Variants in CNTN4 observed in about 807,000 individuals in gnomAD.
The protein encoded by CNTN4 is contactin 4, also known as contactin-4.
In CNTN4, 77 loss-of-function variants were observed where a neutral mutation model predicts 122.5. That is an observed-to-expected ratio of 0.63 (90% CI 0.52 to 0.76). The LOEUF (loss-of-function observed/expected upper bound fraction) is 0.76. Among genes scored for constraint, CNTN4 ranks in the 30% least tolerant of loss-of-function variants. The probability of loss-of-function intolerance (pLI) is 0.00; values close to 1 mark genes in which losing one functional copy is unlikely to be tolerated. For synonymous variants in CNTN4, 512 were observed against 447.0 expected (o/e 1.15, Z -1.83); for missense variants, 1,256 against 1,259.1 (o/e 1.00, Z 0.04).
At chr3:2,406,617 ATTT>A (rs200409025) in intron 3 of CNTN4, among the ~76,000 whole-genome samples, 1 of 152,006 alleles carries the variant, frequency 6.6e-6, no homozygotes, top group Non-Finnish European at 1.5e-5. Flanking sequence ...ATATAAAGTA[ATTT>A]TTTTTAAGTC....
chr3:2,286,601 A>G lies in CNTN4; in HGVS notation c.-144-52577A>G, dbSNP rs534406778. Among the ~76,000 whole-genome samples the G allele has an allele frequency of 4.6e-5, 7 of 152,180 alleles. No homozygotes were observed. The East Asian group carries it at 9.6e-4, about 21-fold the overall frequency. ...TACAGCCAAAATGTTGTATTAATGC[A>G]TGAGTGAGATGCATTATAGATGACT... On this transcript the variant is annotated intron_variant, in intron 2 of 24. Transcript: ENST00000418658.
chr3:2,685,873 C>T (rs1219408364), intron 4 of CNTN4, among the ~76,000 whole-genome samples: 1 of 152,082 alleles, frequency 6.6e-6, no homozygotes, highest in Non-Finnish European at 1.5e-5. Context: ...ATTCCAATTT[C>T]CAGTTTCAGT....
intron 3 of CNTN4, among the ~76,000 whole-genome samples, chr3:2,353,494 C>T (rs1456823747): frequency 6.6e-6 from 1 of 152,100 alleles, no homozygotes; most frequent in African/African-American, 2.4e-5. Context: ...CTGCACTGCC[C>T]TTAAGAGCTA....
intron 4 of CNTN4, among the ~76,000 whole-genome samples, chr3:2,578,182 G>A (rs896978929): frequency 1.3e-5 from 2 of 152,120 alleles, no homozygotes; most frequent in African/African-American, 4.8e-5. Flanking sequence ...CACATACAAA[G>A]AATGCTCATT....
At position 2,234,192 on chromosome 3, in the gene CNTN4, A is replaced by G. The variant is rs532365517; in HGVS notation, c.-144-104986A>G. The stretch of plus-strand genomic sequence containing the variant: ...TCAGGAGTTCGAGAGTAGCCTGACC[A>G]ATATGGTGAAACCCCGTCTCTACTA... On this transcript the variant is annotated intron_variant, in intron 2 of 24. Coordinates refer to ENST00000418658, the MANE Select transcript of CNTN4 (RefSeq NM_175607.3). 1.3e-3 allele frequency among the ~76,000 whole-genome samples: 202 copies of G among 152,108 alleles called. 2 individuals are homozygous for G. The highest frequency in any genetic ancestry group is 2.1e-3 in the Non-Finnish European group (143 of 67,982).
chr3:2,776,544 A>G (rs2091324873), intron 6 of CNTN4, among the ~76,000 whole-genome samples: 1 of 152,102 alleles, frequency 6.6e-6, no homozygotes, highest in African/African-American at 2.4e-5. Flanking sequence ...TCAGGGCCTA[A>G]TAGATAGACT....
At chr3:2,198,042 A>AG (rs200694704) in intron 2 of CNTN4, among the ~76,000 whole-genome samples, 1 of 148,562 alleles carries the variant, frequency 6.7e-6, no homozygotes, top group Non-Finnish European at 1.5e-5. Flanking sequence ...AAAAAAAAAA[A>AG]GGAGAGAATT....
chr3:2,416,961 G>A (rs561744460), intron 3 of CNTN4, among the ~76,000 whole-genome samples: 8 of 152,206 alleles, frequency 5.3e-5, no homozygotes, highest in East Asian at 3.9e-4. Context: ...GCCCAGTGTC[G>A]CAACTTTCTA....
At chr3:2,256,745 C>A (rs998492586) in intron 2 of CNTN4, among the ~76,000 whole-genome samples, 2 of 152,054 alleles carry the variant, frequency 1.3e-5, no homozygotes, top group African/African-American at 2.4e-5. Flanking sequence ...ATGTGAAGGA[C>A]CTCTTCAAGG....
At chr3:2,328,342 C>T (rs1214546674) in intron 2 of CNTN4, among the ~76,000 whole-genome samples, 1 of 150,596 alleles carries the variant, frequency 6.6e-6, no homozygotes, top group Non-Finnish European at 1.5e-5. Flanking sequence ...GGAGGCGGAG[C>T]TTGCGGTGAG....
rs558212414 is a variant in CNTN4, at chr3:2,781,839, C to T, written c.358+36142C>T. Among the ~76,000 whole-genome samples the T allele has an allele frequency of 1.6e-4, 22 of 134,512 alleles. 1 individual carries two copies. Among genetic ancestry groups the T allele is most frequent in the Non-Finnish European group, 2.6e-4 (17 of 65,516 alleles). The allele number at this position is 134,512 out of a possible 152,430, so 88.2% of individuals were successfully genotyped here. On this transcript the variant is annotated intron_variant, in intron 6 of 24. Transcript: ENST00000418658. ...TCCCGGGTTCCCGCCATTCTCCTGC[C>T]TCAGCCTCCCGAGTAGCTGGGACTG...
Position 2,103,254 on chromosome 3 carries a change from A to G in CNTN4, c.-145+2615A>G, listed in dbSNP as rs377665739. On this transcript the variant is annotated intron_variant, in intron 2 of 24. Transcript: ENST00000418658. The stretch of plus-strand genomic sequence containing the variant: ...TGGACCGCTTTTTACTTTTGCCTAT[A>G]TATAAAAAAGTTGCCAAGAGAATTT... Among the ~76,000 whole-genome samples the G allele has an allele frequency of 1.8e-4, 28 of 151,540 alleles. No homozygotes were observed. In the South Asian group the frequency reaches 5.2e-3, roughly 28 times the overall value.
intron 2 of CNTN4, among the ~76,000 whole-genome samples, chr3:2,301,654 G>A (rs531522002): frequency 3.9e-5 from 6 of 152,240 alleles, no homozygotes; most frequent in Admixed American, 2.0e-4. Flanking sequence ...ACAGCAAAAG[G>A]AGGCAAGTAA....
At chr3:2,994,799 A>G (rs1559765577) in intron 14 of CNTN4, among the ~76,000 whole-genome samples, 2 of 152,186 alleles carry the variant, frequency 1.3e-5, no homozygotes, top group Admixed American at 6.5e-5. Context: ...ATGAGTTTGA[A>G]GCAGCCCAAT....
chr3:2,331,615 T>G (rs1342579881), intron 2 of CNTN4, among the ~76,000 whole-genome samples: 3 of 152,170 alleles, frequency 2.0e-5, no homozygotes, highest in Non-Finnish European at 4.4e-5. Flanking sequence ...ACCCTGAGAA[T>G]GACCCTGTAT....
At chr3:2,196,333 A>G (rs1347454629) in intron 2 of CNTN4, among the ~76,000 whole-genome samples, 1 of 152,156 alleles carries the variant, frequency 6.6e-6, no homozygotes, top group Non-Finnish European at 1.5e-5. Flanking sequence ...TGTGAACCCT[A>G]CTGTGAATCC....
intron 13 of CNTN4, chr3:2,927,412 T>C (rs2094483322): frequency 2.3e-6 from 1 of 439,990 alleles, no homozygotes; most frequent in African/African-American, 2.0e-5. Context: ...CATGGGTTCT[T>C]AAAGCCTCTA....
At chr3:2,764,206 T>C (rs758297452) in intron 6 of CNTN4, among the ~76,000 whole-genome samples, 5 of 152,156 alleles carry the variant, frequency 3.3e-5, no homozygotes, top group East Asian at 1.9e-4. Flanking sequence ...AAAATGTTCA[T>C]CAAGTAATCA....
rs2093607967 is a variant in CNTN4, at chr3:2,855,454, C to T, written c.455-11298C>T. On this transcript the variant is annotated intron_variant, in intron 7 of 24. Transcript: ENST00000418658. ...TTATTTCTAAAAATTGTCAGAGGCA[C>T]CAAATGAGATAATGGATATAAAAGT... 2.0e-5 allele frequency among the ~76,000 whole-genome samples: 3 copies of T among 152,238 alleles called. No homozygotes were observed. The South Asian group carries it at 6.2e-4, about 32-fold the overall frequency.
Sources: allele counts gnomAD v4.1 joint callset (sites outside exome capture counted in the v4.1 genomes callset), GRCh38; gene constraint gnomAD v4.1.1; transcripts MANE v1.5; gene names NCBI Gene and HGNC (gene_info 2026-07-23, HGNC 2026-07-21).